Variants in USP34 observed in about 807,000 individuals in gnomAD.
The protein encoded by USP34 is ubiquitin carboxyl-terminal hydrolase 34.
USP34 carries 70 observed loss-of-function variants against 460.3 expected under a neutral mutation model. The observed-to-expected ratio is 0.15, with a 90% CI of 0.13 to 0.19. The LOEUF (loss-of-function observed/expected upper bound fraction) is 0.19. USP34 is among the 10% of genes least tolerant of loss of function. The pLI is 1.00. For synonymous variants in USP34, 1,647 were observed against 1,405.3 expected, an observed-to-expected ratio of 1.17 and a Z score of -3.85; for missense variants, 3,985 against 4,236.2, an observed-to-expected ratio of 0.94 and a Z score of 1.65.
At chr2:61,337,210 C>A (rs927223144) in intron 18 of USP34, among the ~76,000 whole-genome samples, 15 of 152,112 alleles carry the variant, frequency 9.9e-5, no homozygotes, top group African/African-American at 3.4e-4. Context: ...CTACTAAATA[C>A]AAGAACTCAC....
chr2:61,210,162 T>TA (rs1201294069), intron 69 of USP34, among the ~76,000 whole-genome samples: 1 of 152,210 alleles, frequency 6.6e-6, no homozygotes, highest in Non-Finnish European at 1.5e-5. Context: ...ACAGTGTTTA[T>TA]AAAGTCTATA....
At chr2:61,301,605 G>C (rs1299234057) in intron 27 of USP34, 151 bp from the exon 28 acceptor site, 5 of 685,074 alleles carry the variant, frequency 7.3e-6, no homozygotes, top group Non-Finnish European at 1.2e-5. Flanking sequence ...ATTGAGGATA[G>C]TTATTTCTAG....
At chr2:61,283,570 T>C (rs1689598434) in intron 35 of USP34, 121 bp from the exon 36 acceptor site, 1 of 969,022 alleles carries the variant, frequency 1.0e-6, no homozygotes. Flanking sequence ...AAGCAGTGGG[T>C]GTGTGAGTGA....
At chr2:61,229,470 AAAAAACAAAAAAAAAAAAC>A (rs1558478152) in intron 59 of USP34, 59 bp downstream of exon 59, 25 of 680,844 alleles carry the variant, frequency 3.7e-5, no homozygotes, top group Admixed American at 1.8e-4. Context: ...AAAAAAAAAA[AAAAAACAAAAAAAAAAAAC>A]AAAAACACCA....
At chr2:61,348,561 T>C in intron 14 of USP34, 81 bp from the exon 15 acceptor site, 4 of 1,508,956 alleles carry the variant, frequency 2.7e-6, no homozygotes, top group Non-Finnish European at 3.5e-6. Context: ...AACTGTACTT[T>C]TTAAAAAGGC....
chr2:61,263,043 C>G (rs1572882220), intron 43 of USP34, among the ~76,000 whole-genome samples: 1 of 151,916 alleles, frequency 6.6e-6, no homozygotes, highest in East Asian at 1.9e-4. Flanking sequence ...GAGTCTTGCT[C>G]TGTCACCCAG....
At chr2:61,442,649 A>C (rs763188340) in intron 1 of USP34, among the ~76,000 whole-genome samples, 10 of 152,192 alleles carry the variant, frequency 6.6e-5, no homozygotes, top group Admixed American at 1.3e-4. Flanking sequence ...ACTCTTATAC[A>C]GTGTTAGTGG....
chr2:61,294,742 G>T (rs1689972340), intron 32 of USP34, among the ~76,000 whole-genome samples: 1 of 152,080 alleles, frequency 6.6e-6, no homozygotes, highest in South Asian at 2.1e-4. Context: ...TCAATAGAGG[G>T]AAAATCAGAG....
intron 13 of USP34, 83 bp downstream of exon 13, chr2:61,349,164 ATAT>A (rs745627070): frequency 1.3e-5 from 19 of 1,438,966 alleles, no homozygotes; most frequent in Non-Finnish European, 1.8e-5. Flanking sequence ...TGATACAAAT[ATAT>A]TATTATGTAA....
At position 61,257,138 on chromosome 2, in the gene USP34, A is replaced by C. The variant is rs532626812; in HGVS notation, c.5992-30T>G. 7.0e-6 allele frequency: 11 copies of C among 1,572,020 alleles called. No individual in the cohort carries two copies. In the East Asian group the frequency reaches 2.5e-4, roughly 35 times the overall value. ...AATATAAAACAAACAAAAAATAAGAAACTAGTTAAAACGCAGGCAAATTTG... is the reference window on the plus strand; with the variant it reads ...AATATAAAACAAACAAAAAATAAGACACTAGTTAAAACGCAGGCAAATTTG... On this transcript the variant is annotated intron_variant, in intron 45 of 79. Coordinates refer to ENST00000398571, the MANE Select transcript of USP34 (RefSeq NM_014709.4).
At chr2:61,333,254 T>C (rs1691323227) in intron 19 of USP34, among the ~76,000 whole-genome samples, 1 of 152,074 alleles carries the variant, frequency 6.6e-6, no homozygotes, top group African/African-American at 2.4e-5. Flanking sequence ...ATGGAGTAAC[T>C]AGTTGAATAT....
rs746190513 is a variant in USP34 at position 61,236,378 on chromosome 2, A to G, written c.6789T>C (p.His2263=). 1 of 1,597,398 alleles carries G rather than the reference A, an allele frequency of 6.3e-7. No individual in the cohort carries two copies. The highest frequency in any genetic ancestry group is 8.5e-7 in the Non-Finnish European group (1 of 1,173,370). ...TGTCTTGAAGAAACTGCATGTTATC[A>G]TGCCAAATCCACTGAAAATAAAAAT... is the stretch of plus-strand genomic sequence containing the variant. The part of the protein sequence containing the change: ...VSSELLEWIW[H]DNMQFLQDKN... Residue 2263 remains histidine, a synonymous_variant, in exon 54 of 80, where the codon CAT becomes CAC. Transcript: ENST00000398571.
chr2:61,427,528 T>C (rs1013473195), intron 1 of USP34, among the ~76,000 whole-genome samples: 1 of 152,302 alleles, frequency 6.6e-6, no homozygotes, highest in Non-Finnish European at 1.5e-5. Flanking sequence ...AACAGAGATA[T>C]GTGACCTTTC....
chr2:61,308,327 T>C (rs960960925), intron 27 of USP34, among the ~76,000 whole-genome samples: 7 of 152,084 alleles, frequency 4.6e-5, no homozygotes, highest in Admixed American at 2.0e-4. Flanking sequence ...AATAGGCATA[T>C]TTTTTCAGAG....
chr2:61,428,485 G>C (rs1328723526), intron 1 of USP34, among the ~76,000 whole-genome samples: 1 of 152,158 alleles, frequency 6.6e-6, no homozygotes, highest in Non-Finnish European at 1.5e-5. Context: ...ATGGCTGCTT[G>C]CTAACTATGA....
At chr2:61,404,148 T>C (rs750638042) in intron 3 of USP34, among the ~76,000 whole-genome samples, 19 of 152,106 alleles carry the variant, frequency 1.2e-4, no homozygotes, top group Non-Finnish European at 1.8e-4. Context: ...CCTCAAGCTA[T>C]GTTTTCAAAT....
chr2:61,470,038 G>A (rs938447322), intron 1 of USP34, among the ~76,000 whole-genome samples: 5 of 152,156 alleles, frequency 3.3e-5, no homozygotes, highest in African/African-American at 4.8e-5. Flanking sequence ...GCTACACTAA[G>A]AAACATCATT....
chr2:61,235,540 G>A (rs1688042793), intron 57 of USP34, among the ~76,000 whole-genome samples: 2 of 151,798 alleles, frequency 1.3e-5, no homozygotes, highest in African/African-American at 4.8e-5. Flanking sequence ...TGGCCAGGAT[G>A]GGCTCGACCT....
intron 29 of USP34, 77 bp from the exon 30 acceptor site, chr2:61,297,002 G>C (rs1285840016): frequency 9.5e-6 from 14 of 1,472,826 alleles, no homozygotes; most frequent in African/African-American, 1.4e-5. Context: ...TTTGCATAAA[G>C]TAATGATCAA....
Sources: allele counts gnomAD v4.1 joint callset (sites outside exome capture counted in the v4.1 genomes callset), GRCh38; gene constraint gnomAD v4.1.1; transcripts MANE v1.5; gene names NCBI Gene and HGNC (gene_info 2026-07-23, HGNC 2026-07-21).